Variants in KCNT1 observed in about 807,000 individuals in gnomAD.
The protein encoded by KCNT1 is potassium sodium-activated channel subfamily T member 1, also known as potassium channel subfamily T member 1.
In KCNT1, 78 loss-of-function variants were observed where a neutral mutation model predicts 147.8. The ratio of observed to expected loss-of-function variants is 0.53; its 90% CI spans 0.44 to 0.64. The LOEUF is 0.64. Among genes scored for constraint, KCNT1 ranks in the 30% least tolerant of loss-of-function variants. KCNT1 has a pLI of 0.00. For missense variants in KCNT1, 1,419 were observed against 1,750.3 expected (o/e 0.81, Z 3.38); for synonymous variants, 867 against 748.8 (o/e 1.16, Z -2.58).
intron 1 of KCNT1, among the ~76,000 whole-genome samples, chr9:135,707,736 A>C: frequency 6.6e-6 from 1 of 152,092 alleles, no homozygotes; most frequent in South Asian, 2.1e-4. Context: ...TCCAGGGGTG[A>C]TGGCCCCCAC....
intron 2 of KCNT1, among the ~76,000 whole-genome samples, chr9:135,741,605 G>A (rs145070588): frequency 4.3e-4 from 65 of 152,304 alleles, no homozygotes; most frequent in South Asian, 6.2e-4. Context: ...CCAGGACCTC[G>A]GCCCTCCCAG....
At chr9:135,764,387 G>T (rs1298271403) in intron 11 of KCNT1, among the ~76,000 whole-genome samples, 2 of 152,218 alleles carry the variant, frequency 1.3e-5, no homozygotes, top group African/African-American at 2.4e-5. Context: ...TTGAGCCCGG[G>T]AAGTCAAGGC....
At chr9:135,724,203 C>T (rs1039685971) in intron 2 of KCNT1, among the ~76,000 whole-genome samples, 1 of 152,226 alleles carries the variant, frequency 6.6e-6, no homozygotes, top group Non-Finnish European at 1.5e-5. Context: ...CCTCCAGGGG[C>T]CTCAACTTTG....
chr9:135,770,544 C>G (rs563991804), intron 17 of KCNT1, 97 bp downstream of exon 17: 2 of 1,466,912 alleles, frequency 1.4e-6, no homozygotes, highest in Non-Finnish European at 1.8e-6. Context: ...GGCCCTGGGG[C>G]GGGGCTGCAG....
At chr9:135,723,084 C>T (rs1015182080) in intron 2 of KCNT1, among the ~76,000 whole-genome samples, 1 of 152,250 alleles carries the variant, frequency 6.6e-6, no homozygotes, top group Non-Finnish European at 1.5e-5. Context: ...ATCACAACAG[C>T]GGCCACTGTG....
chr9:135,758,563 C>T, intron 10 of KCNT1, 55 bp downstream of exon 10: 2 of 1,419,004 alleles, frequency 1.4e-6, no homozygotes, highest in Non-Finnish European at 9.9e-7. Flanking sequence ...GCCCGAGAGG[C>T]AAGCAGGGCC....
rs148562086 is a variant in KCNT1, at chr9:135,759,781, C to T, written c.957C>T (p.Asp319=). ...CCTTCTCCACCGTGGGCTACGGTGACGTCACGCCCAAGATCTGGCCATCGC... is the reference window on the plus strand; with the variant it reads ...CCTTCTCCACCGTGGGCTACGGTGATGTCACGCCCAAGATCTGGCCATCGC... ...IVTFSTVGYG[D]VTPKIWPSQL... is the part of the protein sequence containing the mutation. Residue 319 remains aspartate (D), a synonymous_variant, in exon 11 of 31, where the codon GAC becomes GAT. Coordinates refer to ENST00000371757, the MANE Select transcript of KCNT1 (RefSeq NM_020822.3). 1.0e-4 allele frequency: 169 copies of T among 1,613,444 alleles called. 1 individual carries two copies. Among genetic ancestry groups the T allele is most frequent in the African/African-American group, 7.2e-4 (54 of 74,924 alleles).
At chr9:135,743,329 G>A (rs1192295381) in intron 2 of KCNT1, among the ~76,000 whole-genome samples, 2 of 152,176 alleles carry the variant, frequency 1.3e-5, no homozygotes, top group African/African-American at 4.8e-5. Flanking sequence ...GCCAGGCCCT[G>A]CGCACTCCTG....
At chr9:135,791,329 G>T (rs1289989244) in intron 29 of KCNT1, 5 of 182,262 alleles carry the variant, frequency 2.7e-5, no homozygotes, top group Non-Finnish European at 5.7e-5. Flanking sequence ...GGCATGGGTT[G>T]CTATGAAGAT....
intron 2 of KCNT1, among the ~76,000 whole-genome samples, chr9:135,740,247 C>T (rs866492141): frequency 2.6e-5 from 4 of 152,172 alleles, no homozygotes; most frequent in African/African-American, 4.8e-5. Flanking sequence ...CACAAAACTC[C>T]GCCCGAGATA....
intron 2 of KCNT1, among the ~76,000 whole-genome samples, chr9:135,731,989 TATAGAGAGAGAGAG>T (rs1463145920): frequency 1.3e-3 from 25 of 18,644 alleles, no homozygotes; most frequent in African/African-American, 4.5e-3. Context: ...TATATATATA[TATAGAGAGAGAGAG>T]AGAGAGAGAG....
chr9:135,759,365 C>T (rs557476798), intron 10 of KCNT1, among the ~76,000 whole-genome samples: 64 of 152,288 alleles, frequency 4.2e-4, no homozygotes, highest in African/African-American at 1.1e-3. Flanking sequence ...GAGAATGTTC[C>T]AGGGACCTAG....
chr9:135,722,834 A>G (rs1182185194), intron 2 of KCNT1, among the ~76,000 whole-genome samples: 1 of 152,172 alleles, frequency 6.6e-6, no homozygotes, highest in African/African-American at 2.4e-5. Context: ...CACCTCCTGA[A>G]GGCCCTGTCT....
intron 19 of KCNT1, among the ~76,000 whole-genome samples, chr9:135,774,587 A>G (rs111207740): frequency 0.042 from 5,763 of 136,346 alleles, 151 homozygotes; most frequent in Middle Eastern, 0.16. Context: ...TTGTGTGTCC[A>G]TGTGTGGTAC....
intron 11 of KCNT1, among the ~76,000 whole-genome samples, chr9:135,762,002 G>A (rs899184649): frequency 7.2e-5 from 11 of 152,240 alleles, no homozygotes; most frequent in African/African-American, 1.7e-4. Context: ...TCACGAGACC[G>A]TGGCACCCAC....
intron 2 of KCNT1, among the ~76,000 whole-genome samples, chr9:135,731,828 C>A (rs1251115739): frequency 6.6e-6 from 1 of 151,504 alleles, no homozygotes; most frequent in Non-Finnish European, 1.5e-5. Flanking sequence ...ATCTTCTTTA[C>A]CCTCAGCTGA....
rs766093946 is a variant in KCNT1 at position 135,765,619 on chromosome 9, G to A, written c.1201-5G>A. 77 of 1,603,946 alleles carry A rather than the reference G, an allele frequency of 4.8e-5. No homozygotes were observed. The highest frequency in any genetic ancestry group is 1.8e-4 in the Middle Eastern group (1 of 5,594). On this transcript the variant is annotated splice_polypyrimidine_tract_variant and splice_region_variant and intron_variant, in intron 12 of 30. Transcript: ENST00000371757. ...AGAGGGTCTGACCCTCCGCCTGGCC[G>A]GCAGGACTATTACGTGGTCATCCTG...
At chr9:135,743,176 C>G (rs1317965472) in intron 2 of KCNT1, among the ~76,000 whole-genome samples, 1 of 152,008 alleles carries the variant, frequency 6.6e-6, no homozygotes, top group African/African-American at 2.4e-5. Flanking sequence ...CCTTGGCTGC[C>G]TGTGCCGGTC....
chr9:135,760,621 G>C (rs371725296), intron 11 of KCNT1, among the ~76,000 whole-genome samples: 5 of 152,218 alleles, frequency 3.3e-5, no homozygotes, highest in African/African-American at 1.2e-4. Context: ...CTGACCCCAG[G>C]CTCAGCCCCA....
Sources: gnomAD v4.1 joint callset for allele counts (sites outside exome capture counted in the v4.1 genomes callset) on GRCh38, gnomAD v4.1.1 for gene constraint, MANE v1.5 for transcripts, NCBI Gene and HGNC (gene_info 2026-07-23, HGNC 2026-07-21) for gene names.